Variants in TULP3 observed in about 807,000 individuals in gnomAD.
TULP3 encodes tubby-related protein 3.
Under a neutral mutation model 50.7 loss-of-function variants are expected in TULP3, and 38 were observed. The observed-to-expected ratio is 0.75, with a 90% confidence interval of 0.58 to 0.98. The LOEUF (loss-of-function observed/expected upper bound fraction) is 0.98. Among genes scored for constraint, TULP3 ranks in the 50% least tolerant of loss-of-function variants. The pLI is 0.00. For synonymous variants in TULP3, 183 were observed against 196.6 expected (o/e 0.93, Z 0.58); for missense variants, 550 against 568.0 (o/e 0.97, Z 0.32).
intron 4 of TULP3, among the ~76,000 whole-genome samples, chr12:2,924,272 C>T (rs377409007): frequency 1.9e-3 from 286 of 152,026 alleles, no homozygotes; most frequent in African/African-American, 6.7e-3. Flanking sequence ...CAGCTCAGGG[C>T]GTGTGGTCAT....
chr12:2,908,054 GTGA>G (rs1419158940), intron 1 of TULP3, among the ~76,000 whole-genome samples: 1 of 152,148 alleles, frequency 6.6e-6, no homozygotes, highest in African/African-American at 2.4e-5. Context: ...TGCCTCCCAA[GTGA>G]TGAAGAGGAA....
At chr12:2,891,942 C>G (rs1158954393) in intron 1 of TULP3, among the ~76,000 whole-genome samples, 3 of 151,910 alleles carry the variant, frequency 2.0e-5, no homozygotes, top group African/African-American at 7.3e-5. Context: ...AAAATTTGGC[C>G]GGACACGGTG....
At chr12:2,931,741 G>T (rs1250202918) in intron 6 of TULP3, among the ~76,000 whole-genome samples, 1 of 152,078 alleles carries the variant, frequency 6.6e-6, no homozygotes, top group Non-Finnish European at 1.5e-5. Context: ...TTAATACCAG[G>T]TCTTAACAGA....
At chr12:2,929,114 A>C (rs901531617) in intron 4 of TULP3, among the ~76,000 whole-genome samples, 3 of 151,486 alleles carry the variant, frequency 2.0e-5, no homozygotes, top group Admixed American at 6.6e-5. Flanking sequence ...GTCAGGAGAT[A>C]GAGACCATCC....
At chr12:2,893,160 G>A (rs1603503643) in intron 1 of TULP3, among the ~76,000 whole-genome samples, 2 of 151,998 alleles carry the variant, frequency 1.3e-5, no homozygotes, top group Admixed American at 1.3e-4. Flanking sequence ...ACTGCACTTG[G>A]CCCTAAATTG....
At chr12:2,909,475 T>G in intron 1 of TULP3, 54 bp from the exon 2 acceptor site, 1 of 1,515,822 alleles carries the variant, frequency 6.6e-7, no homozygotes. Context: ...AAAGATGAAA[T>G]TGACAAGGCG....
At chr12:2,932,000 A>G (rs1231559122) in intron 6 of TULP3, among the ~76,000 whole-genome samples, 1 of 151,968 alleles carries the variant, frequency 6.6e-6, no homozygotes, top group Non-Finnish European at 1.5e-5. Flanking sequence ...ATTCAAACCT[A>G]TTTTGCATAA....
intron 5 of TULP3, 183 bp from the exon 6 acceptor site, chr12:2,930,854 A>G (rs2098197561): frequency 1.5e-6 from 1 of 678,604 alleles, no homozygotes; most frequent in East Asian, 2.7e-5. Context: ...TCCCATTTTG[A>G]TACTTACTCT....
intron 1 of TULP3, among the ~76,000 whole-genome samples, chr12:2,908,605 G>T (rs1236526479): frequency 8.8e-6 from 1 of 113,132 alleles, no homozygotes; most frequent in African/African-American, 4.0e-5. Context: ...TTGTATCTTA[G>T]TAGAGACGGT....
intron 2 of TULP3, among the ~76,000 whole-genome samples, chr12:2,914,068 T>C (rs1480754849): frequency 6.6e-6 from 1 of 152,240 alleles, no homozygotes; most frequent in Non-Finnish European, 1.5e-5. Flanking sequence ...TTGTCATTTC[T>C]TTGTGTTGGG....
intron 8 of TULP3, 48 bp downstream of exon 8, chr12:2,934,609 C>A: frequency 7.5e-7 from 1 of 1,330,880 alleles, no homozygotes; most frequent in Non-Finnish European, 1.0e-6. Flanking sequence ...TGGTGTCCTG[C>A]TGGCACTTTT....
chr12:2,925,975 A>G (rs1351711843), intron 4 of TULP3, among the ~76,000 whole-genome samples: 1 of 152,180 alleles, frequency 6.6e-6, no homozygotes, highest in Non-Finnish European at 1.5e-5. Context: ...TATAAAACCC[A>G]TTAAGTGCTG....
At chr12:2,935,022 G>A (rs778386886) in intron 8 of TULP3, among the ~76,000 whole-genome samples, 1 of 151,276 alleles carries the variant, frequency 6.6e-6, no homozygotes, top group South Asian at 2.1e-4. Context: ...TTTCACACCC[G>A]GGAAAGGCTT....
At chr12:2,919,347 A>G (rs1037964489) in intron 2 of TULP3, among the ~76,000 whole-genome samples, 3 of 152,102 alleles carry the variant, frequency 2.0e-5, no homozygotes, top group Non-Finnish European at 4.4e-5. Context: ...ACACCTATTC[A>G]TTCTTGATGG....
In TULP3 at chr12:2,890,913, G is replaced by T; in HGVS notation, c.-35G>T. Reference sequence around the variant, plus strand: ...GCCACTCTAGCGACGGCGGGGAAGAGTGTGTACGTGGTGGGGGCTTCCTCG... The same window carrying T: ...GCCACTCTAGCGACGGCGGGGAAGATTGTGTACGTGGTGGGGGCTTCCTCG... On this transcript the variant is annotated 5_prime_UTR_variant, in exon 1 of 11. Coordinates refer to ENST00000448120, the MANE Select transcript of TULP3 (RefSeq NM_003324.5). The T allele has an allele frequency of 6.3e-7, 1 of 1,578,284 alleles. No homozygotes were observed. Among genetic ancestry groups the T allele is most frequent in the Non-Finnish European group, 8.6e-7 (1 of 1,162,686 alleles).
At chr12:2,938,831 A>G (rs1395477726) in intron 10 of TULP3, among the ~76,000 whole-genome samples, 1 of 152,104 alleles carries the variant, frequency 6.6e-6, no homozygotes, top group Admixed American at 6.6e-5. Flanking sequence ...TTTGGGAAAC[A>G]AAGGCAAATG....
rs564201854 is a variant in TULP3 at position 2,897,590 on chromosome 12, G to T, written c.41+6602G>T. ...GCTCAAGACCAGCCTGGGCAACATA[G>T]TGAGACCCCCTGTCTGTCTGTTGGT... is the stretch of plus-strand genomic sequence containing the variant. On this transcript the variant is annotated intron_variant, in intron 1 of 10. Coordinates refer to ENST00000448120, the MANE Select transcript of TULP3 (RefSeq NM_003324.5). Among the ~76,000 whole-genome samples the T allele has an allele frequency of 4.0e-5, 6 of 151,182 alleles. No individual in the cohort carries two copies. The East Asian group carries it at 1.0e-3, about 25-fold the overall frequency.
rs2153950804 is a variant in TULP3 at position 2,940,390 on chromosome 12, G to A, written c.*946G>A. 6.9e-7 allele frequency: 1 copy of A among 1,458,832 alleles called. No homozygotes were observed. The highest frequency in any genetic ancestry group is 1.4e-5 in the African/African-American group (1 of 70,224). 90.4% of individuals were successfully genotyped at this position (1,458,832 alleles called of 1,614,324 possible). A position where few individuals can be genotyped will look rare whatever the true frequency, so the allele number is the denominator to read the frequency against. ...TCAGCCAGCAGACATGAGCACTGCT[G>A]GCCCGTGTGGCAGAGCTGTGGACTT... On this transcript the variant is annotated 3_prime_UTR_variant, in exon 11 of 11. Coordinates refer to ENST00000448120, the MANE Select transcript of TULP3 (RefSeq NM_003324.5).
chr12:2,916,355 G>C (rs1159273968), intron 2 of TULP3, among the ~76,000 whole-genome samples: 1 of 151,996 alleles, frequency 6.6e-6, no homozygotes, highest in African/African-American at 2.4e-5. Context: ...CCACCTATCT[G>C]ATCTCCTTTA....
Sources: gnomAD v4.1 joint callset for allele counts (sites outside exome capture counted in the v4.1 genomes callset) on GRCh38, gnomAD v4.1.1 for gene constraint, MANE v1.5 for transcripts, NCBI Gene and HGNC (gene_info 2026-07-23, HGNC 2026-07-21) for gene names.